The following ZFP90 variants were observed in gnomAD, a reference collection of about 807,000 sequenced individuals.
ZFP90 encodes ZFP90 zinc finger protein.
ZFP90 carries 38 observed loss-of-function variants against 60.8 expected under a neutral mutation model. The ratio of observed to expected loss-of-function variants is 0.62; its 90% CI spans 0.48 to 0.82. ZFP90 has a LOEUF of 0.82. Among genes scored for constraint, ZFP90 ranks in the 40% least tolerant of loss-of-function variants. The probability of loss-of-function intolerance (pLI) is 0.00; values close to 1 mark genes in which losing one functional copy is unlikely to be tolerated. For missense variants in ZFP90, 711 were observed against 759.1 expected, an observed-to-expected ratio of 0.94 and a Z score of 0.74; for synonymous variants, 287 against 264.8, an observed-to-expected ratio of 1.08 and a Z score of -0.82.
chr16:68,560,210 AC>A (rs1226995023), intron 4 of ZFP90, among the ~76,000 whole-genome samples: 2 of 152,196 alleles, frequency 1.3e-5, no homozygotes, highest in Non-Finnish European at 2.9e-5. Context: ...AGTTGTACAA[AC>A]AGCAACACTA....
At position 68,565,711 on chromosome 16, in the gene ZFP90, C is replaced by T. The variant is rs1198612903; in HGVS notation, c.*1013C>T. The T allele has an allele frequency of 2.3e-5, 22 of 954,240 alleles. No individual in the cohort carries two copies. Among genetic ancestry groups the T allele is most frequent in the Middle Eastern group, 5.3e-4 (1 of 1,882 alleles). The allele number at this position is 954,240 out of a possible 1,614,324, so 59.1% of individuals were successfully genotyped here. A position where few individuals can be genotyped will look rare whatever the true frequency, so the allele number is the denominator to read the frequency against. Reference sequence around the variant, plus strand: ...CAGAAAACTAAGAGGAGAATTTTCCCGTTAATTTTCTTGCAGAAAAGTTAA... The same window carrying T: ...CAGAAAACTAAGAGGAGAATTTTCCTGTTAATTTTCTTGCAGAAAAGTTAA... On this transcript the variant is annotated 3_prime_UTR_variant, in exon 5 of 5. Transcript: ENST00000563169.
At chr16:68,537,951 T>C (rs1271701904), upstream of ZFP90, among the ~76,000 whole-genome samples, 1 of 152,060 alleles carries the variant, frequency 6.6e-6, no homozygotes, top group Non-Finnish European at 1.5e-5. Flanking sequence ...TTGCTGTTGT[T>C]GCCCAGGTTG....
intron 2 of ZFP90, among the ~76,000 whole-genome samples, chr16:68,554,860 C>G (rs1158209727): frequency 6.6e-6 from 1 of 152,156 alleles, no homozygotes; most frequent in East Asian, 1.9e-4. Flanking sequence ...CAAAGGAGTC[C>G]TGGTTGGGCA....
At chr16:68,533,774 G>GCCAT (rs2090942683) in exon 2 of ZFP90, 1 of 152,206 alleles carries the variant, frequency 6.6e-6, no homozygotes, top group Non-Finnish European at 1.5e-5. Flanking sequence ...CCAGGTTCAA[G>GCCAT]CCATCCTCCT....
chr16:68,564,862 GAC>G lies in ZFP90; in HGVS notation c.*168_*169del, dbSNP rs1331414041. 8 of 1,390,568 alleles carry G rather than the reference GAC, an allele frequency of 5.8e-6. No individual in the cohort carries two copies. The highest frequency in any genetic ancestry group is 7.4e-6 in the Non-Finnish European group (8 of 1,077,932). The allele number at this position is 1,390,568 out of a possible 1,614,324, so 86.1% of individuals were successfully genotyped here. On this transcript the variant is annotated 3_prime_UTR_variant, in exon 5 of 5. Transcript: ENST00000563169. ...ACAGATTTTTTTTTTTTAACATAAA[GAC>G]ACATTCTCAGATCTGATTACAGACT... is the stretch of plus-strand genomic sequence containing the variant.
chr16:68,553,689 G>T (rs1434351168), intron 2 of ZFP90, among the ~76,000 whole-genome samples: 1 of 152,150 alleles, frequency 6.6e-6, no homozygotes, highest in Admixed American at 6.5e-5. Context: ...TGTCATCGTG[G>T]CTCACTGTAG....
Position 68,565,903 on chromosome 16 carries a change from C to G in ZFP90, c.*1205C>G. On this transcript the variant is annotated 3_prime_UTR_variant, in exon 5 of 5. Transcript: ENST00000563169. ...ACTTTGGGTGGCTAAGGCAGATAGA[C>G]TGCTTGAACCCAGGAGTTCAAGACC... 1 of 938,028 alleles carries G rather than the reference C, an allele frequency of 1.1e-6. No homozygotes were observed. Among genetic ancestry groups the G allele is most frequent in the South Asian group, 4.9e-5 (1 of 20,378 alleles). The allele number at this position is 938,028 out of a possible 1,614,324, so 58.1% of individuals were successfully genotyped here.
At chr16:68,545,844 T>C (rs1194536189) in intron 2 of ZFP90, among the ~76,000 whole-genome samples, 1 of 151,930 alleles carries the variant, frequency 6.6e-6, no homozygotes, top group Non-Finnish European at 1.5e-5. Context: ...AATAAGATTC[T>C]TTTCCTTACT....
chr16:68,556,791 G>C (rs898424031), intron 2 of ZFP90, among the ~76,000 whole-genome samples: 3 of 152,158 alleles, frequency 2.0e-5, no homozygotes, highest in African/African-American at 7.2e-5. Flanking sequence ...CACAAAATGC[G>C]ATGGATAGTG....
intron 2 of ZFP90, among the ~76,000 whole-genome samples, chr16:68,549,111 A>G (rs1408729531): frequency 6.6e-6 from 1 of 152,216 alleles, no homozygotes; most frequent in African/African-American, 2.4e-5. Flanking sequence ...CTTCAGAACC[A>G]GTCAGGAAGT....
chr16:68,570,561 C>G (rs191371471), downstream of ZFP90, among the ~76,000 whole-genome samples: 162 of 152,310 alleles, frequency 1.1e-3, no homozygotes, highest in Non-Finnish European at 1.9e-3. Flanking sequence ...AACTTCTTGG[C>G]CATTGCCATG....
intron 2 of ZFP90, among the ~76,000 whole-genome samples, chr16:68,545,183 C>G (rs1368105959): frequency 6.6e-6 from 1 of 151,718 alleles, no homozygotes; most frequent in African/African-American, 2.4e-5. Flanking sequence ...CCGGCCCATG[C>G]ACTCCTATTA....
At chr16:68,537,905 C>T (rs1375442436), upstream of ZFP90, among the ~76,000 whole-genome samples, 1 of 111,274 alleles carries the variant, frequency 9.0e-6, no homozygotes, top group African/African-American at 3.4e-5. Context: ...TGGAAATTTT[C>T]TCCCTTTTTT....
chr16:68,568,222 G>A (rs2091548880), downstream of ZFP90, among the ~76,000 whole-genome samples: 1 of 152,190 alleles, frequency 6.6e-6, no homozygotes, highest in African/African-American at 2.4e-5. Context: ...ATTAATGCCA[G>A]GCATATGGTA....
downstream of ZFP90, among the ~76,000 whole-genome samples, chr16:68,568,444 C>G (rs1024986101): frequency 6.6e-6 from 1 of 152,130 alleles, no homozygotes; most frequent in Admixed American, 6.5e-5. Flanking sequence ...ACACTGCTGG[C>G]AAGAGGGTAA....
At chr16:68,536,855 C>T (rs2090964239), upstream of ZFP90, among the ~76,000 whole-genome samples, 1 of 152,162 alleles carries the variant, frequency 6.6e-6, no homozygotes, top group Non-Finnish European at 1.5e-5. Flanking sequence ...TAATAAGTGA[C>T]TCCACTGCTG....
intron 4 of ZFP90, among the ~76,000 whole-genome samples, chr16:68,559,249 A>C (rs183725649): frequency 6.6e-6 from 1 of 151,966 alleles, no homozygotes; most frequent in South Asian, 2.1e-4. Context: ...TATGCCATAG[A>C]CTCAGAAGTC....
At chr16:68,541,757 T>G (rs2091054333) in intron 2 of ZFP90, among the ~76,000 whole-genome samples, 1 of 152,184 alleles carries the variant, frequency 6.6e-6, no homozygotes, top group African/African-American at 2.4e-5. Context: ...ATGCAAAGTA[T>G]CCTCCATAGG....
intron 2 of ZFP90, among the ~76,000 whole-genome samples, chr16:68,540,272 A>G (rs2091018137): frequency 6.6e-6 from 1 of 152,128 alleles, no homozygotes; most frequent in African/African-American, 2.4e-5. Flanking sequence ...TGGTTAGAAC[A>G]TGTCTAGGAA....
Sources: allele counts gnomAD v4.1 joint callset (sites outside exome capture counted in the v4.1 genomes callset), GRCh38; gene constraint gnomAD v4.1.1; transcripts MANE v1.5; gene names NCBI Gene and HGNC (gene_info 2026-07-23, HGNC 2026-07-21).